The following AR variants were observed in gnomAD, a reference collection of about 807,000 sequenced individuals.
The protein encoded by AR is androgen receptor, also known as dihydrotestosterone receptor.
AR carries 8 observed loss-of-function variants against 53.9 expected under a neutral mutation model. The observed-to-expected ratio is 0.15, with a 90% CI of 0.09 to 0.27. The LOEUF (loss-of-function observed/expected upper bound fraction) is 0.27, where lower values mean the gene tolerates loss of function less well. Among genes scored for constraint, AR ranks in the 10% least tolerant of loss-of-function variants. AR has a pLI of 1.00. For synonymous variants in AR, 359 were observed against 316.4 expected (o/e 1.13, Z -1.43); for missense variants, 639 against 742.5 (o/e 0.86, Z 1.62).
intron 1 of AR, among the ~76,000 whole-genome samples, chrX:67,593,567 G>C (rs1277547672): frequency 9.0e-6 from 1 of 110,525 alleles, no homozygotes; most frequent in Non-Finnish European, 1.9e-5. Context: ...GGCCAGGATG[G>C]TCTCGATCTC....
chrX:67,713,634 A>G (rs1218057373), intron 4 of AR, among the ~76,000 whole-genome samples: 1 of 112,160 alleles, frequency 8.9e-6, no homozygotes, highest in Non-Finnish European at 1.9e-5. Flanking sequence ...AACTTGCTCC[A>G]TTTGGTCACT....
chrX:67,618,345 A>C (rs1414127287), intron 1 of AR, among the ~76,000 whole-genome samples: 1 of 111,683 alleles, frequency 9.0e-6, no homozygotes, highest in Non-Finnish European at 1.9e-5. Context: ...ATAGTTTAGC[A>C]ACGTCTTAAT....
intron 2 of AR, 96 bp downstream of exon 2, chrX:67,643,503 G>T: frequency 9.2e-7 from 1 of 1,088,132 alleles, no homozygotes; most frequent in South Asian, 2.0e-5. Flanking sequence ...TATCATCTCA[G>T]AAATAGAGTC....
chrX:67,566,281 A>C (rs985130815), intron 1 of AR, among the ~76,000 whole-genome samples: 4 of 111,820 alleles, frequency 3.6e-5, no homozygotes, highest in Admixed American at 1.9e-4. Context: ...ACAAAGAGAA[A>C]TAAGATACCA....
chrX:67,555,883 T>C (rs1921029636), intron 1 of AR, among the ~76,000 whole-genome samples: 1 of 112,714 alleles, frequency 8.9e-6, no homozygotes, highest in Non-Finnish European at 1.9e-5. Flanking sequence ...GCAGGATAAC[T>C]TGAACCAGAA....
chrX:67,548,375 A>T (rs1443009681), intron 1 of AR, among the ~76,000 whole-genome samples: 1 of 111,173 alleles, frequency 9.0e-6, no homozygotes. Context: ...GTTAATTTAG[A>T]CTCTTCATTT....
At chrX:67,694,320 C>T in intron 3 of AR, among the ~76,000 whole-genome samples, 1 of 110,219 alleles carries the variant, frequency 9.1e-6, no homozygotes, top group South Asian at 4.0e-4. Context: ...CTTCTCTTCT[C>T]CTACATCTTC....
intron 3 of AR, among the ~76,000 whole-genome samples, chrX:67,703,722 T>C (rs1350598103): frequency 8.9e-6 from 1 of 112,008 alleles, no homozygotes; most frequent in East Asian, 2.8e-4. Flanking sequence ...TGTATACATG[T>C]GCCAAGTTGG....
chrX:67,719,350 C>G (rs1319894430), intron 5 of AR, among the ~76,000 whole-genome samples: 1 of 112,311 alleles, frequency 8.9e-6, no homozygotes, highest in South Asian at 3.7e-4. Context: ...AGCACCTGCT[C>G]TACCTTCCCC....
At chrX:67,715,221 A>G (rs1355232243) in intron 4 of AR, among the ~76,000 whole-genome samples, 1 of 110,756 alleles carries the variant, frequency 9.0e-6, no homozygotes, top group Non-Finnish European at 1.9e-5. Context: ...TCTCTAAGAG[A>G]TCCTTGGTTG....
chrX:67,549,586 G>A (rs1416087912), intron 1 of AR, among the ~76,000 whole-genome samples: 1 of 111,854 alleles, frequency 8.9e-6, no homozygotes, highest in East Asian at 2.8e-4. Context: ...CTACAACTTT[G>A]TTAATTGACC....
chrX:67,689,745 T>A, intron 3 of AR: 1 of 835,850 alleles, frequency 1.2e-6, no homozygotes, highest in Non-Finnish European at 1.5e-6. Context: ...ATCCCTTGAC[T>A]ACTTTTCATT....
intron 3 of AR, among the ~76,000 whole-genome samples, chrX:67,704,276 T>A (rs1469625607): frequency 1.2e-4 from 13 of 112,036 alleles, no homozygotes; most frequent in Non-Finnish European, 2.3e-4. Flanking sequence ...TGTAAAAGTG[T>A]TCCTATTTCT....
At chrX:67,701,569 T>TG (rs1361186219) in intron 3 of AR, among the ~76,000 whole-genome samples, 5 of 111,928 alleles carry the variant, frequency 4.5e-5, no homozygotes, top group Non-Finnish European at 7.5e-5. Flanking sequence ...TAAAAATCTA[T>TG]TAATGCCTTC....
chrX:67,562,340 G>T (rs1334839994), intron 1 of AR, among the ~76,000 whole-genome samples: 1 of 103,505 alleles, frequency 9.7e-6, no homozygotes, highest in Non-Finnish European at 2.0e-5. Context: ...AGTTTTGTTT[G>T]GTCTATATGG....
intron 1 of AR, among the ~76,000 whole-genome samples, chrX:67,551,870 T>C (rs1189697223): frequency 9.0e-6 from 1 of 111,646 alleles, no homozygotes; most frequent in Non-Finnish European, 1.9e-5. Context: ...CTACTCCCTC[T>C]CTCTCATGGC....
At chrX:67,663,620 A>G (rs998923660) in intron 2 of AR, among the ~76,000 whole-genome samples, 5 of 111,417 alleles carry the variant, frequency 4.5e-5, no homozygotes, top group African/African-American at 9.8e-5. Context: ...TGCTCTTCTC[A>G]AGGAGTATCT....
chrX:67,571,356 G>A (rs1455607003), intron 1 of AR, among the ~76,000 whole-genome samples: 2 of 111,470 alleles, frequency 1.8e-5, no homozygotes, highest in Admixed American at 9.5e-5. Flanking sequence ...TCTCTTCCCA[G>A]TGTATCTGTG....
chrX:67,591,947 G>A (rs1001588118), intron 1 of AR, among the ~76,000 whole-genome samples: 5 of 112,398 alleles, frequency 4.4e-5, no homozygotes, highest in African/African-American at 6.5e-5. Flanking sequence ...TTCATCTAAC[G>A]GATGATTGTC....
Sources: gnomAD v4.1 joint callset for allele counts (sites outside exome capture counted in the v4.1 genomes callset) on GRCh38, gnomAD v4.1.1 for gene constraint, MANE v1.5 for transcripts, NCBI Gene and HGNC (gene_info 2026-07-23, HGNC 2026-07-21) for gene names.